Variants in NLGN1 observed in about 807,000 individuals in gnomAD.
The protein encoded by NLGN1 is neuroligin-1.
In NLGN1, 12 loss-of-function variants were observed where a neutral mutation model predicts 65.5. The ratio of observed to expected loss-of-function variants is 0.18; its 90% CI spans 0.12 to 0.30. The LOEUF is 0.30. Ranked by LOEUF, NLGN1 falls within the 10% of genes least tolerant of loss-of-function variation. The probability of loss-of-function intolerance (pLI) is 1.00; values close to 1 mark genes in which losing one functional copy is unlikely to be tolerated. For missense variants in NLGN1, 750 were observed against 1,007.1 expected (o/e 0.74, Z 3.46); for synonymous variants, 350 against 359.5 (o/e 0.97, Z 0.30).
intron 4 of NLGN1, among the ~76,000 whole-genome samples, chr3:174,116,302 G>A (rs1421550628): frequency 7.4e-6 from 1 of 134,250 alleles, no homozygotes; most frequent in Non-Finnish European, 1.6e-5. Flanking sequence ...ATTGTGAATT[G>A]TGACATGTAA....
chr3:173,404,702 A>C (rs472103), intron 1 of NLGN1, among the ~76,000 whole-genome samples: 92,282 of 151,956 alleles, frequency 0.61, 28,532 homozygotes, highest in East Asian at 0.71. Flanking sequence ...TGGACACAGT[A>C]CAGATGATTA....
intron 4 of NLGN1, among the ~76,000 whole-genome samples, chr3:173,892,776 A>C (rs1735600766): frequency 6.6e-6 from 1 of 152,026 alleles, no homozygotes; most frequent in South Asian, 2.1e-4. Context: ...AGCTGACTGA[A>C]GCAGGTAGAC....
intron 4 of NLGN1, among the ~76,000 whole-genome samples, chr3:174,272,622 T>C (rs909748170): frequency 1.3e-5 from 2 of 151,328 alleles, no homozygotes; most frequent in Admixed American, 6.6e-5. Context: ...TTCACTCTAA[T>C]GATCAGTTAG....
At chr3:174,182,507 C>A (rs1402259569) in intron 4 of NLGN1, among the ~76,000 whole-genome samples, 1 of 152,080 alleles carries the variant, frequency 6.6e-6, no homozygotes, top group East Asian at 1.9e-4. Context: ...ATGCAAGTCA[C>A]CTAGGGATGT....
intron 4 of NLGN1, among the ~76,000 whole-genome samples, chr3:173,875,108 A>G (rs1469105467): frequency 6.6e-6 from 1 of 152,190 alleles, no homozygotes; most frequent in East Asian, 1.9e-4. Context: ...GGAATTTTTC[A>G]CAAGCCTCTT....
At chr3:174,098,271 A>G (rs1437703910) in intron 4 of NLGN1, among the ~76,000 whole-genome samples, 1 of 152,074 alleles carries the variant, frequency 6.6e-6, no homozygotes, top group Admixed American at 6.6e-5. Context: ...ACACTCCATT[A>G]CCTATATTTC....
At chr3:174,178,216 C>G (rs1729791465) in intron 4 of NLGN1, among the ~76,000 whole-genome samples, 1 of 152,076 alleles carries the variant, frequency 6.6e-6, no homozygotes, top group African/African-American at 2.4e-5. Context: ...AGATAACTGA[C>G]CCCAGAAGTA....
intron 3 of NLGN1, among the ~76,000 whole-genome samples, chr3:173,802,532 A>G (rs79030374): frequency 0.046 from 6,951 of 152,312 alleles, 391 homozygotes; most frequent in East Asian, 0.18. Context: ...TAGAAATTTC[A>G]GAGCATTTTT....
chr3:173,811,544 G>A (rs1578559661), intron 4 of NLGN1, among the ~76,000 whole-genome samples: 1 of 147,192 alleles, frequency 6.8e-6, no homozygotes, highest in Admixed American at 6.8e-5. Context: ...TCTAGCCTGG[G>A]TGACAAGAGT....
At chr3:173,816,827 G>C (rs1189199921) in intron 4 of NLGN1, among the ~76,000 whole-genome samples, 3 of 152,154 alleles carry the variant, frequency 2.0e-5, no homozygotes, top group Non-Finnish European at 2.9e-5. Context: ...TTATCATTCT[G>C]ATTTGGTTTA....
chr3:174,201,830 T>G (rs187743935), intron 4 of NLGN1, among the ~76,000 whole-genome samples: 185 of 152,276 alleles, frequency 1.2e-3, no homozygotes, highest in African/African-American at 3.9e-3. Flanking sequence ...ACAGCACTTA[T>G]TTCCCTCTCA....
At chr3:174,025,622 T>A (rs1728679066) in intron 4 of NLGN1, among the ~76,000 whole-genome samples, 1 of 152,106 alleles carries the variant, frequency 6.6e-6, no homozygotes, top group South Asian at 2.1e-4. Flanking sequence ...TTAAACTTGC[T>A]AGTAAATAGG....
chr3:174,191,400 T>G (rs987530883), intron 4 of NLGN1, among the ~76,000 whole-genome samples: 5 of 152,144 alleles, frequency 3.3e-5, no homozygotes, highest in Admixed American at 6.6e-5. Context: ...TAGAGTGGTA[T>G]AACTAAGCTT....
chr3:173,653,212 C>T, intron 3 of NLGN1, among the ~76,000 whole-genome samples: 1 of 152,062 alleles, frequency 6.6e-6, no homozygotes, highest in East Asian at 1.9e-4. Context: ...TTCCTCTTTT[C>T]CGATTTGGAT....
intron 4 of NLGN1, among the ~76,000 whole-genome samples, chr3:174,263,362 T>G (rs1747344877): frequency 6.7e-6 from 1 of 148,522 alleles, no homozygotes; most frequent in Non-Finnish European, 1.5e-5. Flanking sequence ...TGAATCTGGG[T>G]GCTCCTGTAT....
At chr3:174,240,578 T>TA (rs1742600429) in intron 4 of NLGN1, among the ~76,000 whole-genome samples, 1 of 152,128 alleles carries the variant, frequency 6.6e-6, no homozygotes, top group South Asian at 2.1e-4. Flanking sequence ...ATAGGATATC[T>TA]AGAAAGTAAC....
At position 173,661,990 on chromosome 3, in the gene NLGN1, C is replaced by T. The variant is rs142587404; in HGVS notation, c.493+56899C>T. Among the ~76,000 whole-genome samples, 13 of 152,128 alleles carry T rather than the reference C, an allele frequency of 8.5e-5. No homozygotes were observed. The East Asian group carries it at 2.5e-3, about 29-fold the overall frequency. ...TAGGCTGATTGCTGAAGGCATTGGT[C>T]TGTTCTGTTAGAACTCAAATGACAA... On this transcript the variant is annotated intron_variant, in intron 3 of 6. Transcript: ENST00000457714.
At chr3:174,202,766 C>G (rs1734709115) in intron 4 of NLGN1, 1 of 152,126 alleles carries the variant, frequency 6.6e-6, no homozygotes. Context: ...GTGACTCATA[C>G]AAGAAAATCT....
chr3:174,136,866 G>C (rs1009738183), intron 4 of NLGN1, among the ~76,000 whole-genome samples: 5 of 152,076 alleles, frequency 3.3e-5, no homozygotes, highest in African/African-American at 1.2e-4. Context: ...TGTTACAGAT[G>C]CTCCTTGACT....
Sources: allele counts gnomAD v4.1 joint callset (sites outside exome capture counted in the v4.1 genomes callset), GRCh38; gene constraint gnomAD v4.1.1; transcripts MANE v1.5; gene names NCBI Gene and HGNC (gene_info 2026-07-23, HGNC 2026-07-21).